The following NUDT9 variants were observed in gnomAD, a reference collection of about 807,000 sequenced individuals.
NUDT9 encodes the protein ADP-ribose pyrophosphatase.
In NUDT9, 31 loss-of-function variants were observed where a neutral mutation model predicts 41.0. The observed-to-expected ratio is 0.76, with a 90% CI of 0.57 to 1.02. NUDT9 has a LOEUF of 1.02. NUDT9 is among the 50% of genes least tolerant of loss of function. The pLI is 0.00. For missense variants in NUDT9, 380 were observed against 431.4 expected, an observed-to-expected ratio of 0.88 and a Z score of 1.06; for synonymous variants, 146 against 147.6, an observed-to-expected ratio of 0.99 and a Z score of 0.08.
At position 87,424,755 on chromosome 4, in the gene NUDT9, C is replaced by T. The variant is rs144111195; in HGVS notation, c.107+1743C>T. 3.7e-4 allele frequency among the ~76,000 whole-genome samples: 56 copies of T among 152,274 alleles called. No individual in the cohort carries two copies. The East Asian group carries it at 9.1e-3, about 25-fold the overall frequency. On this transcript the variant is annotated intron_variant, in intron 1 of 7. Transcript: ENST00000302174. ...GGGATTTGAGGAAGGAAGGAATACA[C>T]GTGTGTGCTCTCTGGAAATCTCTAA...
chr4:87,440,715 G>T (rs1330412804), intron 3 of NUDT9, among the ~76,000 whole-genome samples: 1 of 152,046 alleles, frequency 6.6e-6, no homozygotes, highest in African/African-American at 2.4e-5. Flanking sequence ...GCGTGGTGGT[G>T]CATGCCTGTA....
chr4:87,424,537 C>CATGT (rs955247976), intron 1 of NUDT9, among the ~76,000 whole-genome samples: 3 of 152,178 alleles, frequency 2.0e-5, no homozygotes, highest in African/African-American at 7.2e-5. Flanking sequence ...GCTGGGATTA[C>CATGT]AGGCGTGAGC....
At position 87,432,176 on chromosome 4, in the gene NUDT9, T is replaced by G. The variant is rs189178006; in HGVS notation, c.108-2805T>G. On this transcript the variant is annotated intron_variant, in intron 1 of 7. Coordinates refer to ENST00000302174, the MANE Select transcript of NUDT9 (RefSeq NM_024047.5). ...GCTTGAGACCAGAGCGGTTTGGATT[T>G]CAGGTTTTGGAATATTCACATACAC... Among the ~76,000 whole-genome samples, 6 of 152,350 alleles carry G rather than the reference T, an allele frequency of 3.9e-5. No homozygotes were observed. In the East Asian group the frequency reaches 1.2e-3, roughly 29 times the overall value.
In NUDT9 at chr4:87,458,078, C is replaced by G; in HGVS notation, c.*57C>G. ...AGAGGAGCATATACTGAAAAGAAGGCAGTATCACAGAATTTATACTATAAA... is the reference window on the plus strand; with the variant it reads ...AGAGGAGCATATACTGAAAAGAAGGGAGTATCACAGAATTTATACTATAAA... On this transcript the variant is annotated 3_prime_UTR_variant, in exon 8 of 8. Coordinates refer to ENST00000302174, the MANE Select transcript of NUDT9 (RefSeq NM_024047.5). 7.0e-7 allele frequency: 1 copy of G among 1,421,478 alleles called. No individual in the cohort carries two copies. Among genetic ancestry groups the G allele is most frequent in the South Asian group, 1.7e-5 (1 of 58,426 alleles). The allele number at this position is 1,421,478 out of a possible 1,614,324, so 88.1% of individuals were successfully genotyped here.
chr4:87,438,594 C>T (rs1283615992), intron 3 of NUDT9, among the ~76,000 whole-genome samples: 1 of 152,038 alleles, frequency 6.6e-6, no homozygotes, highest in Non-Finnish European at 1.5e-5. Context: ...TAGTAAGTGG[C>T]AGAGGCAGCG....
intron 2 of NUDT9, among the ~76,000 whole-genome samples, chr4:87,437,639 G>T (rs1722013083): frequency 6.6e-6 from 1 of 152,152 alleles, no homozygotes; most frequent in East Asian, 1.9e-4. Flanking sequence ...ACCATGCCTG[G>T]CTGTAAAGTG....
In NUDT9 at chr4:87,457,840, C is replaced by T. The variant is rs372282488; in HGVS notation, c.875-3C>T. ...TTGGTGATGGTTTTTCTTTGGCAAC[C>T]AGGTGAGATAATGGATAATCTTATG... On this transcript the variant is annotated splice_polypyrimidine_tract_variant and splice_region_variant and intron_variant, in intron 7 of 7. Coordinates refer to ENST00000302174, the MANE Select transcript of NUDT9 (RefSeq NM_024047.5). 1 of 1,606,422 alleles carries T rather than the reference C, an allele frequency of 6.2e-7. No homozygotes were observed. The highest frequency in any genetic ancestry group is 8.5e-7 in the Non-Finnish European group (1 of 1,177,442).
At chr4:87,434,532 G>C (rs1337095251) in intron 1 of NUDT9, 1 of 150,538 alleles carries the variant, frequency 6.6e-6, no homozygotes, top group Non-Finnish European at 1.5e-5. Flanking sequence ...CATAGATGTT[G>C]GACCTTTAGA....
chr4:87,441,178 A>G (rs1302721164), intron 3 of NUDT9, among the ~76,000 whole-genome samples: 1 of 152,210 alleles, frequency 6.6e-6, no homozygotes, highest in Non-Finnish European at 1.5e-5. Flanking sequence ...GTACATAATG[A>G]AAGTTGAACA....
chr4:87,433,430 T>A (rs1422118524), intron 1 of NUDT9, among the ~76,000 whole-genome samples: 1 of 152,232 alleles, frequency 6.6e-6, no homozygotes, highest in Non-Finnish European at 1.5e-5. Context: ...AATGTTCAGA[T>A]TCATGTCATA....
intron 2 of NUDT9, among the ~76,000 whole-genome samples, chr4:87,435,830 A>G (rs1266056793): frequency 2.6e-5 from 4 of 152,146 alleles, no homozygotes; most frequent in Non-Finnish European, 5.9e-5. Context: ...AAGTAACTAT[A>G]TATATTTAAG....
chr4:87,447,711 G>T (rs1006996290), intron 4 of NUDT9, among the ~76,000 whole-genome samples: 1 of 151,928 alleles, frequency 6.6e-6, no homozygotes, highest in Non-Finnish European at 1.5e-5. Flanking sequence ...AAAGGATAGA[G>T]TTTTTTTTGT....
chr4:87,431,413 A>G (rs898979023), intron 1 of NUDT9, among the ~76,000 whole-genome samples: 3 of 152,210 alleles, frequency 2.0e-5, no homozygotes, highest in Admixed American at 6.5e-5. Flanking sequence ...TTGAGATTCC[A>G]TATGAATTTT....
intron 6 of NUDT9, among the ~76,000 whole-genome samples, chr4:87,453,951 T>A (rs1159237948): frequency 2.0e-5 from 3 of 150,918 alleles, no homozygotes; most frequent in Non-Finnish European, 4.4e-5. Flanking sequence ...CTCCACCTCC[T>A]GGGTTCAAGT....
intron 4 of NUDT9, among the ~76,000 whole-genome samples, chr4:87,444,145 A>G (rs1722341871): frequency 6.6e-6 from 1 of 152,110 alleles, no homozygotes; most frequent in Non-Finnish European, 1.5e-5. Flanking sequence ...CTGTCTCCCC[A>G]CGTGGAATTG....
At chr4:87,430,021 A>G (rs1721610347) in intron 1 of NUDT9, among the ~76,000 whole-genome samples, 1 of 152,148 alleles carries the variant, frequency 6.6e-6, no homozygotes, top group South Asian at 2.1e-4. Context: ...AGAGGTGGTT[A>G]AGGTTAAGGA....
chr4:87,434,891 T>A, intron 1 of NUDT9, 90 bp from the exon 2 acceptor site: 1 of 1,159,176 alleles, frequency 8.6e-7, no homozygotes, highest in Non-Finnish European at 1.2e-6. Flanking sequence ...AGTGCTGGGA[T>A]TACAGGCGTA....
intron 7 of NUDT9, 57 bp from the exon 8 acceptor site, chr4:87,457,786 A>G: frequency 6.8e-7 from 1 of 1,464,060 alleles, no homozygotes; most frequent in South Asian, 1.2e-5. Context: ...TTGACGACAT[A>G]GATATGCTAA....
At chr4:87,430,817 A>G (rs1230258412) in intron 1 of NUDT9, among the ~76,000 whole-genome samples, 1 of 152,066 alleles carries the variant, frequency 6.6e-6, no homozygotes, top group East Asian at 1.9e-4. Flanking sequence ...TTCTTTCTAT[A>G]TTCTGGATAT....
Sources: allele counts gnomAD v4.1 joint callset (sites outside exome capture counted in the v4.1 genomes callset), GRCh38; gene constraint gnomAD v4.1.1; transcripts MANE v1.5; gene names NCBI Gene and HGNC (gene_info 2026-07-23, HGNC 2026-07-21).